Variants in TRDN observed in about 807,000 individuals in gnomAD.
TRDN encodes triadin.
A neutral mutation model predicts 149.7 loss-of-function variants in TRDN; 161 were observed. The observed-to-expected ratio is 1.08, with a 90% CI of 0.95 to 1.23. The LOEUF (loss-of-function observed/expected upper bound fraction) is 1.23. Ranked by LOEUF, TRDN falls within the 50% of genes most tolerant of loss-of-function variation. TRDN has a pLI of 0.00. For synonymous variants in TRDN, 294 were observed against 250.5 expected (o/e 1.17, Z -1.64); for missense variants, 896 against 823.5 (o/e 1.09, Z -1.08).
chr6:123,491,238 A>G (rs1326891286), intron 9 of TRDN, among the ~76,000 whole-genome samples: 2 of 152,204 alleles, frequency 1.3e-5, no homozygotes, highest in African/African-American at 2.4e-5. Flanking sequence ...TAAAAATTAA[A>G]GTACTACATT....
At chr6:123,221,395 A>C in intron 40 of TRDN, 92 bp downstream of exon 40, 1 of 863,366 alleles carries the variant, frequency 1.2e-6, no homozygotes, top group Non-Finnish European at 1.7e-6. Flanking sequence ...TTTTCTTCGA[A>C]TACTGGTCTT....
intron 32 of TRDN, among the ~76,000 whole-genome samples, chr6:123,267,187 G>C (rs532038421): frequency 3.3e-5 from 5 of 150,042 alleles, no homozygotes; most frequent in South Asian, 2.1e-4. Context: ...TACCAAAAGA[G>C]AGAGATTTTT....
chr6:123,359,727 G>T (rs1200115974), intron 20 of TRDN, among the ~76,000 whole-genome samples: 2 of 152,094 alleles, frequency 1.3e-5, no homozygotes, highest in South Asian at 2.1e-4. Flanking sequence ...ACAGAGCCTC[G>T]CTCTGTCGCC....
At chr6:123,334,075 G>A (rs892836932) in intron 22 of TRDN, among the ~76,000 whole-genome samples, 3 of 152,026 alleles carry the variant, frequency 2.0e-5, no homozygotes, top group Admixed American at 6.6e-5. Flanking sequence ...TAGTATCCAT[G>A]ATGAAGTACA....
At chr6:123,620,686 T>C (rs1785338892) in intron 1 of TRDN, among the ~76,000 whole-genome samples, 1 of 152,148 alleles carries the variant, frequency 6.6e-6, no homozygotes. Context: ...TATTGAATAA[T>C]TTCTGAGAGC....
rs371598181 is a variant in TRDN, at chr6:123,337,499, G to A, written c.1420+120C>T. On this transcript the variant is annotated intron_variant, in intron 22 of 40. Coordinates refer to ENST00000334268, the MANE Select transcript of TRDN (RefSeq NM_006073.4). ...TAAACACAAGTTTTTAAAAATATGT[G>A]TGTGACCTCTGCAGTTCTGGTTTAC... 90 of 348,736 alleles carry A rather than the reference G, an allele frequency of 2.6e-4. 2 individuals carry two copies. In the South Asian group the frequency reaches 9.4e-3, roughly 36 times the overall value. 21.6% of individuals were successfully genotyped at this position (348,736 alleles called of 1,614,324 possible).
intron 24 of TRDN, among the ~76,000 whole-genome samples, chr6:123,313,145 T>C (rs1014029555): frequency 2.6e-5 from 4 of 152,040 alleles, no homozygotes; most frequent in Admixed American, 1.3e-4. Flanking sequence ...GTCACTTATG[T>C]TATTCTCTAT....
In TRDN at chr6:123,218,278, G is replaced by A. The variant is rs937945464; in HGVS notation, c.*323C>T. ...AGCCAGGAATTCATTTTGCAATTGT[G>A]TCAATTATTTTAAAGATACCATTAT... is the stretch of plus-strand genomic sequence containing the variant. On this transcript the variant is annotated 3_prime_UTR_variant, in exon 41 of 41. Transcript: ENST00000334268. The A allele has an allele frequency of 9.7e-5, 17 of 174,572 alleles. No homozygotes were observed. Among genetic ancestry groups the A allele is most frequent in the Admixed American group, 9.3e-4 (15 of 16,126 alleles). The allele number at this position is 174,572 out of a possible 1,614,324, so 10.8% of individuals were successfully genotyped here. A position where few individuals can be genotyped will look rare whatever the true frequency, so the allele number is the denominator to read the frequency against.
At chr6:123,227,890 C>T (rs192627586) in intron 38 of TRDN, among the ~76,000 whole-genome samples, 109 of 151,982 alleles carry the variant, frequency 7.2e-4, no homozygotes, top group Admixed American at 7.9e-4. Flanking sequence ...AGAGGTCCTG[C>T]CCAAGGTCAC....
At chr6:123,521,854 G>A (rs1779697296) in intron 5 of TRDN, among the ~76,000 whole-genome samples, 1 of 152,084 alleles carries the variant, frequency 6.6e-6, no homozygotes, top group South Asian at 2.1e-4. Flanking sequence ...TCTCCTCGAG[G>A]ACATCTCTGT....
intron 10 of TRDN, among the ~76,000 whole-genome samples, chr6:123,449,358 T>C (rs9482388): frequency 0.15 from 22,952 of 151,840 alleles, 2,249 homozygotes; most frequent in African/African-American, 0.28. Context: ...TTCAAGGAAA[T>C]AGATCGATTA....
chr6:123,486,956 C>T (rs1164637228), intron 9 of TRDN, among the ~76,000 whole-genome samples: 1 of 151,860 alleles, frequency 6.6e-6, no homozygotes, highest in Non-Finnish European at 1.5e-5. Flanking sequence ...GATAGTAGAA[C>T]AAAGGCTAGG....
chr6:123,556,627 A>ATTCCTC lies in TRDN; in HGVS notation c.233-8021_233-8016dup, dbSNP rs1215784697. 1.4e-3 allele frequency among the ~76,000 whole-genome samples: 188 copies of ATTCCTC among 136,202 alleles called. 1 individual carries two copies. The highest frequency in any genetic ancestry group is 4.9e-3 in the African/African-American group (178 of 36,514). The allele number at this position is 136,202 out of a possible 152,430, so 89.4% of individuals were successfully genotyped here. A position where few individuals can be genotyped will look rare whatever the true frequency, so the allele number is the denominator to read the frequency against. On this transcript the variant is annotated intron_variant, in intron 2 of 40. Coordinates refer to ENST00000334268, the MANE Select transcript of TRDN (RefSeq NM_006073.4). ...CCTCCTTCTTCTTCCTCTTCCTCCT[A>ATTCCTC]TTCCTCTTCCTCTTCTTCTTCTTCC...
intron 16 of TRDN, 130 bp downstream of exon 16, chr6:123,381,234 TGGACAA>T: frequency 1.3e-6 from 1 of 780,926 alleles, no homozygotes; most frequent in African/African-American, 1.7e-5. Flanking sequence ...TTTTTTCACT[TGGACAA>T]AAAACAACAG....
chr6:123,607,561 C>T (rs765840204), intron 1 of TRDN, among the ~76,000 whole-genome samples: 61 of 152,224 alleles, frequency 4.0e-4, no homozygotes, highest in South Asian at 1.7e-3. Flanking sequence ...GTAGTCTCTC[C>T]GCACATGGCT....
intron 10 of TRDN, among the ~76,000 whole-genome samples, chr6:123,460,405 T>A (rs945678318): frequency 6.6e-6 from 1 of 152,132 alleles, no homozygotes; most frequent in Admixed American, 6.5e-5. Flanking sequence ...TGCTAGAAAA[T>A]GTGCTATATT....
intron 24 of TRDN, among the ~76,000 whole-genome samples, chr6:123,288,704 G>A (rs1777886767): frequency 6.6e-6 from 1 of 152,012 alleles, no homozygotes; most frequent in Non-Finnish European, 1.5e-5. Flanking sequence ...GTCTGAATGA[G>A]TATTATCAAA....
At chr6:123,471,630 C>T (rs1178567413) in intron 9 of TRDN, 1 of 152,184 alleles carries the variant, frequency 6.6e-6, no homozygotes, top group African/African-American at 2.4e-5. Flanking sequence ...TTCTTTGCTT[C>T]CTGATTAAAA....
At chr6:123,431,609 C>G (rs1774345069) in intron 12 of TRDN, among the ~76,000 whole-genome samples, 1 of 152,110 alleles carries the variant, frequency 6.6e-6, no homozygotes, top group South Asian at 2.1e-4. Context: ...AAGCTATAAT[C>G]TTCTCAATAT....
Sources: gnomAD v4.1 joint callset for allele counts (sites outside exome capture counted in the v4.1 genomes callset) on GRCh38, gnomAD v4.1.1 for gene constraint, MANE v1.5 for transcripts, NCBI Gene and HGNC (gene_info 2026-07-23, HGNC 2026-07-21) for gene names.